The following ANKRD30BL variants were observed in gnomAD, a reference collection of about 807,000 sequenced individuals.
The protein encoded by ANKRD30BL is ankyrin repeat domain 30B like, also known as putative ankyrin repeat domain-containing protein 30B-like.
In ANKRD30BL, 20 loss-of-function variants were observed where a neutral mutation model predicts 18.4. The observed-to-expected ratio is 1.09, with a 90% CI of 0.77 to 1.58. ANKRD30BL has a LOEUF of 1.58. ANKRD30BL is among the 40% of genes most tolerant of loss of function. The probability of loss-of-function intolerance (pLI) is 0.00; values close to 1 mark genes in which losing one functional copy is unlikely to be tolerated. For synonymous variants in ANKRD30BL, 72 were observed against 100.9 expected (o/e 0.71, Z 1.72); for missense variants, 224 against 268.6 (o/e 0.83, Z 1.16).
At chr2:132,191,993 C>G (rs1678862457) in intron 1 of ANKRD30BL, among the ~76,000 whole-genome samples, 1 of 152,082 alleles carries the variant, frequency 6.6e-6, no homozygotes, top group African/African-American at 2.4e-5. Context: ...ATTCACCCAC[C>G]TTGGCCTTCC....
chr2:132,198,864 C>T (rs1167784915), intron 1 of ANKRD30BL, among the ~76,000 whole-genome samples: 1 of 152,130 alleles, frequency 6.6e-6, no homozygotes, highest in African/African-American at 2.4e-5. Flanking sequence ...GTGATCCACC[C>T]AGCTAGGCCT....
intron 1 of ANKRD30BL, among the ~76,000 whole-genome samples, chr2:132,217,182 C>A (rs1168882237): frequency 1.3e-5 from 2 of 152,090 alleles, no homozygotes; most frequent in African/African-American, 4.8e-5. Flanking sequence ...TATCATAGAG[C>A]AGTTTTGAAA....
At chr2:132,249,497 A>C (rs550514877) in intron 1 of ANKRD30BL, among the ~76,000 whole-genome samples, 2 of 152,284 alleles carry the variant, frequency 1.3e-5, no homozygotes, top group East Asian at 3.9e-4. Context: ...TAGGCTTCAA[A>C]GTGCTCACAA....
chr2:132,198,674 A>G (rs1679029013), intron 1 of ANKRD30BL, among the ~76,000 whole-genome samples: 1 of 147,562 alleles, frequency 6.8e-6, no homozygotes, highest in African/African-American at 2.5e-5. Flanking sequence ...GCTGCAGTCC[A>G]GCAGTGAGAT....
chr2:132,242,778 C>T lies in ANKRD30BL; in HGVS notation n.441+14751G>A, dbSNP rs562981173. Among the ~76,000 whole-genome samples, 259 of 150,864 alleles carry T rather than the reference C, an allele frequency of 1.7e-3. 1 individual carries two copies. Among genetic ancestry groups the T allele is most frequent in the African/African-American group, 5.7e-3 (235 of 41,322 alleles). Reference sequence around the variant, plus strand: ...TTGATGTGTGTACTCAACTCACAGACGTGAACCTTTCTTTTGATACACAAC... The same window carrying T: ...TTGATGTGTGTACTCAACTCACAGATGTGAACCTTTCTTTTGATACACAAC... On this transcript the variant is annotated intron_variant and non_coding_transcript_variant, in intron 1 of 4. Coordinates refer to the ANKRD30BL transcript ENST00000470729.
At chr2:132,162,133 C>G (rs1688091160), upstream of ANKRD30BL, among the ~76,000 whole-genome samples, 1 of 151,996 alleles carries the variant, frequency 6.6e-6, no homozygotes, top group Non-Finnish European at 1.5e-5. Flanking sequence ...CTTGACAGAG[C>G]TGCCCCTGTC....
At chr2:132,152,099 T>A (rs1446931855) in intron 4 of ANKRD30BL, 1 of 152,234 alleles carries the variant, frequency 6.6e-6, no homozygotes, top group Non-Finnish European at 1.5e-5. Flanking sequence ...TGTTACCACA[T>A]CTCATTTCAT....
chr2:132,211,619 A>G (rs1395885088), intron 1 of ANKRD30BL, among the ~76,000 whole-genome samples: 1 of 152,100 alleles, frequency 6.6e-6, no homozygotes, highest in Non-Finnish European at 1.5e-5. Flanking sequence ...TGATGTGTGC[A>G]TTCATCTCAC....
Position 132,161,867 on chromosome 2 carries a change from A to G in ANKRD30BL, c.-162T>C. The stretch of plus-strand genomic sequence containing the variant: ...TGGACACTCCAACCTCTCCCGGGAG[A>G]AAATGGCTGCGCAAAACCGTTAGGC... On this transcript the variant is annotated 5_prime_UTR_variant, in exon 1 of 6. Transcript: ENST00000409867. The G allele has an allele frequency of 2.0e-5, 12 of 598,848 alleles. No homozygotes were observed. In the South Asian group the frequency reaches 2.2e-4, roughly 11 times the overall value. 37.1% of individuals were successfully genotyped at this position (598,848 alleles called of 1,614,324 possible).
At chr2:132,165,871 A>C (rs868854089), upstream of ANKRD30BL, among the ~76,000 whole-genome samples, 16 of 152,168 alleles carry the variant, frequency 1.1e-4, no homozygotes, top group Middle Eastern at 3.4e-3. Context: ...AGAAAAAAAA[A>C]CAAAAAACAA....
intron 3 of ANKRD30BL, chr2:132,155,993 C>T (rs1421963568): frequency 1.3e-5 from 2 of 151,844 alleles, no homozygotes; most frequent in Non-Finnish European, 2.9e-5. Flanking sequence ...TGCATATCTA[C>T]TTCTTAAAAT....
At chr2:132,220,661 C>T (rs1314330313) in intron 1 of ANKRD30BL, among the ~76,000 whole-genome samples, 2 of 152,160 alleles carry the variant, frequency 1.3e-5, no homozygotes, top group African/African-American at 4.8e-5. Context: ...CTCGTTCACT[C>T]AGTGCTCAAT....
chr2:132,247,165 A>G (rs1680525009), intron 1 of ANKRD30BL, among the ~76,000 whole-genome samples: 1 of 151,530 alleles, frequency 6.6e-6, no homozygotes. Flanking sequence ...TAAAAACTAG[A>G]CAGAAGCATT....
At chr2:132,248,615 T>C (rs1300286395) in intron 1 of ANKRD30BL, among the ~76,000 whole-genome samples, 1 of 152,094 alleles carries the variant, frequency 6.6e-6, no homozygotes, top group Admixed American at 6.6e-5. Context: ...TGTGAAGATA[T>C]TTCCTTTTTC....
chr2:132,215,350 A>G (rs1004174986), intron 1 of ANKRD30BL, among the ~76,000 whole-genome samples: 5 of 152,132 alleles, frequency 3.3e-5, no homozygotes, highest in African/African-American at 1.2e-4. Context: ...AAAAGGATAT[A>G]TCTTCACAAA....
chr2:132,191,318 A>G lies in ANKRD30BL; in HGVS notation n.442-34172T>C, dbSNP rs555664225. Among the ~76,000 whole-genome samples the G allele has an allele frequency of 7.5e-3, 1,141 of 152,274 alleles. 8 individuals are homozygous for G. Among genetic ancestry groups the G allele is most frequent in the African/African-American group, 0.025 (1,024 of 41,558 alleles). Reference sequence around the variant, plus strand: ...TGTTTATCCTTTAGCCTGTTGGTGAACCATTTACAAATGTTTCTATTCCTT... The same window carrying G: ...TGTTTATCCTTTAGCCTGTTGGTGAGCCATTTACAAATGTTTCTATTCCTT... On this transcript the variant is annotated intron_variant and non_coding_transcript_variant, in intron 1 of 4. Coordinates refer to the ANKRD30BL transcript ENST00000470729.
intron 1 of ANKRD30BL, among the ~76,000 whole-genome samples, chr2:132,218,736 C>T (rs1453534511): frequency 6.6e-6 from 1 of 151,608 alleles, no homozygotes; most frequent in African/African-American, 2.4e-5. Flanking sequence ...TTGAAACACT[C>T]TTTTAGTAAA....
Position 132,161,835 on chromosome 2 carries a change from A to G in ANKRD30BL, c.-130T>C, listed in dbSNP as rs1013963619. On this transcript the variant is annotated 5_prime_UTR_variant, in exon 1 of 6. Coordinates refer to ENST00000409867, the MANE Select transcript of ANKRD30BL (RefSeq NM_001358416.1). ...CAAGACTAGAAATCTCAGTCGGGCC[A>G]AGCTTTTGGACACTCCAACCTCTCC... The G allele has an allele frequency of 1.4e-5, 9 of 625,128 alleles. No homozygotes were observed. Among genetic ancestry groups the G allele is most frequent in the Admixed American group, 5.8e-5 (2 of 34,354 alleles). 38.7% of individuals were successfully genotyped at this position (625,128 alleles called of 1,614,324 possible).
chr2:132,156,865 T>C lies in ANKRD30BL; in HGVS notation c.507+108A>G, dbSNP rs184360851. ...ATTAAGTTTTCTCAAACTATTTTCA[T>C]AGAAAAATAGGAATGTTTGAGCTTC... On this transcript the variant is annotated intron_variant, in intron 3 of 5. Coordinates refer to ENST00000409867, the MANE Select transcript of ANKRD30BL (RefSeq NM_001358416.1). 223 of 451,516 alleles carry C rather than the reference T, an allele frequency of 4.9e-4. 2 individuals carry two copies. In the East Asian group the frequency reaches 7.6e-3, roughly 15 times the overall value. The allele number at this position is 451,516 out of a possible 1,614,324, so 28.0% of individuals were successfully genotyped here. A position where few individuals can be genotyped will look rare whatever the true frequency, so the allele number is the denominator to read the frequency against.
Sources: allele counts gnomAD v4.1 joint callset (sites outside exome capture counted in the v4.1 genomes callset), GRCh38; gene constraint gnomAD v4.1.1; transcripts MANE v1.5; gene names NCBI Gene and HGNC (gene_info 2026-07-23, HGNC 2026-07-21).